Variants in CTNND2 observed in about 807,000 individuals in gnomAD.
CTNND2 encodes the protein catenin delta 2, also known as catenin delta-2.
Under a neutral mutation model 144.4 loss-of-function variants are expected in CTNND2, and 22 were observed. The ratio of observed to expected loss-of-function variants is 0.15; its 90% confidence interval spans 0.11 to 0.22. CTNND2 has a LOEUF of 0.22. CTNND2 is among the 10% of genes least tolerant of loss of function. The pLI is 1.00. For synonymous variants in CTNND2, 751 were observed against 695.6 expected (o/e 1.08, Z -1.25); for missense variants, 1,353 against 1,618.8 (o/e 0.84, Z 2.82).
chr5:11,434,778 G>A (rs1346619074), intron 3 of CTNND2, among the ~76,000 whole-genome samples: 2 of 152,104 alleles, frequency 1.3e-5, no homozygotes, highest in Admixed American at 6.6e-5. Context: ...TGTTAGAAAA[G>A]GAATGCCTCC....
chr5:11,553,823 G>T (rs986965472), intron 3 of CTNND2, among the ~76,000 whole-genome samples: 1 of 151,972 alleles, frequency 6.6e-6, no homozygotes, highest in Non-Finnish European at 1.5e-5. Context: ...TAAAACATCT[G>T]TTTATACTGC....
At chr5:11,278,637 A>C (rs1443987142) in intron 9 of CTNND2, among the ~76,000 whole-genome samples, 1 of 152,194 alleles carries the variant, frequency 6.6e-6, no homozygotes, top group Non-Finnish European at 1.5e-5. Flanking sequence ...ATGTGGCTTG[A>C]AGATGGTGGC....
intron 1 of CTNND2, among the ~76,000 whole-genome samples, chr5:11,879,341 G>GTGTATATATATATATATGTATATATA: frequency 9.1e-6 from 1 of 109,386 alleles, no homozygotes; most frequent in South Asian, 3.3e-4. Context: ...TTAAATGTGT[G>GTGTATATATATATATATGTATATATA]TATATATATA....
intron 3 of CTNND2, among the ~76,000 whole-genome samples, chr5:11,426,074 A>T (rs1332366253): frequency 6.6e-6 from 1 of 151,222 alleles, no homozygotes; most frequent in African/African-American, 2.4e-5. Context: ...CTATCCATTG[A>T]CCCCCACCCT....
At chr5:11,406,068 A>G (rs1581127421) in intron 5 of CTNND2, among the ~76,000 whole-genome samples, 1 of 152,080 alleles carries the variant, frequency 6.6e-6, no homozygotes, top group Non-Finnish European at 1.5e-5. Flanking sequence ...AATCGCTTGA[A>G]CCCAGGAGGC....
intron 3 of CTNND2, among the ~76,000 whole-genome samples, chr5:11,498,890 C>T (rs1338929584): frequency 6.6e-6 from 1 of 151,982 alleles, no homozygotes; most frequent in Non-Finnish European, 1.5e-5. Context: ...GTATAAGTGG[C>T]TCAAGCAGTC....
intron 7 of CTNND2, among the ~76,000 whole-genome samples, chr5:11,368,930 A>T (rs1757215432): frequency 6.6e-6 from 1 of 152,242 alleles, no homozygotes; most frequent in Non-Finnish European, 1.5e-5. Flanking sequence ...CCACATCAAA[A>T]TAGGTGTCCT....
At chr5:11,030,349 T>C (rs1743306610) in intron 16 of CTNND2, among the ~76,000 whole-genome samples, 1 of 152,140 alleles carries the variant, frequency 6.6e-6, no homozygotes, top group Non-Finnish European at 1.5e-5. Flanking sequence ...TCCCACTTTT[T>C]TTCTCCTGAG....
Position 11,488,290 on chromosome 5 carries a change from T to G in CTNND2, c.288-76221A>C, listed in dbSNP as rs1433179382. On this transcript the variant is annotated intron_variant, in intron 3 of 21. Coordinates refer to ENST00000304623, the MANE Select transcript of CTNND2 (RefSeq NM_001332.4). ...TATGGATCAGATGTATTATGAATGG[T>G]TTTTAAATACCCACTAAAATATATA... 4.6e-5 allele frequency among the ~76,000 whole-genome samples: 7 copies of G among 152,260 alleles called. No homozygotes were observed. The East Asian group carries it at 1.2e-3, about 25-fold the overall frequency.
intron 2 of CTNND2, among the ~76,000 whole-genome samples, chr5:11,687,185 T>C (rs1784692243): frequency 6.6e-6 from 1 of 152,208 alleles, no homozygotes; most frequent in Non-Finnish European, 1.5e-5. Flanking sequence ...CTTCATGCGA[T>C]TTCCGGAGTG....
intron 2 of CTNND2, among the ~76,000 whole-genome samples, chr5:11,590,501 A>G (rs2150142250): frequency 6.6e-6 from 1 of 152,286 alleles, no homozygotes; most frequent in East Asian, 1.9e-4. Flanking sequence ...TGGTCAAGCC[A>G]TCATGACATC....
intron 1 of CTNND2, among the ~76,000 whole-genome samples, chr5:11,826,689 A>T (rs949479461): frequency 1.4e-4 from 22 of 152,082 alleles, no homozygotes; most frequent in African/African-American, 4.8e-4. Context: ...ATTCAAAAGA[A>T]ATCCAGAGTG....
intron 18 of CTNND2, among the ~76,000 whole-genome samples, chr5:10,995,048 T>C (rs1739190585): frequency 6.6e-6 from 1 of 152,042 alleles, no homozygotes; most frequent in Admixed American, 6.6e-5. Context: ...TAGGACTGCC[T>C]CATGGGGACG....
At chr5:10,984,527 G>A (rs1385182483) in intron 20 of CTNND2, among the ~76,000 whole-genome samples, 3 of 151,860 alleles carry the variant, frequency 2.0e-5, no homozygotes, top group Non-Finnish European at 4.4e-5. Flanking sequence ...TTAAAAGCAC[G>A]AGGCACAGTT....
intron 18 of CTNND2, among the ~76,000 whole-genome samples, chr5:10,996,542 C>T (rs1450070084): frequency 2.0e-5 from 3 of 152,052 alleles, no homozygotes; most frequent in African/African-American, 2.4e-5. Flanking sequence ...TCCTCAGGGC[C>T]GACAGGAGAT....
At chr5:11,329,696 C>T (rs926314955) in intron 9 of CTNND2, among the ~76,000 whole-genome samples, 4 of 152,128 alleles carry the variant, frequency 2.6e-5, no homozygotes, top group Non-Finnish European at 5.9e-5. Flanking sequence ...AGAAGGTGGT[C>T]AGAGGGAAGC....
In CTNND2 at chr5:11,583,895, A is replaced by C. The variant is rs539062905; in HGVS notation, c.175-18839T>G. 5.9e-5 allele frequency among the ~76,000 whole-genome samples: 9 copies of C among 152,344 alleles called. No individual in the cohort carries two copies. The East Asian group carries it at 1.5e-3, about 26-fold the overall frequency. Reference sequence around the variant, plus strand: ...AAAGTCAGGGCCAGGGCAGCACCTCAGGGTTACGTCTGATTCTACAGACAC... The same window carrying C: ...AAAGTCAGGGCCAGGGCAGCACCTCCGGGTTACGTCTGATTCTACAGACAC... On this transcript the variant is annotated intron_variant, in intron 2 of 21. Coordinates refer to ENST00000304623, the MANE Select transcript of CTNND2 (RefSeq NM_001332.4).
chr5:11,333,593 C>A (rs1056629106), intron 9 of CTNND2, among the ~76,000 whole-genome samples: 1 of 152,088 alleles, frequency 6.6e-6, no homozygotes, highest in Non-Finnish European at 1.5e-5. Flanking sequence ...AATCATCATC[C>A]CACAAACTTA....
intron 16 of CTNND2, among the ~76,000 whole-genome samples, chr5:11,052,400 CT>C (rs1241299753): frequency 6.6e-6 from 1 of 152,178 alleles, no homozygotes; most frequent in Non-Finnish European, 1.5e-5. Flanking sequence ...TTAATTACCC[CT>C]GTCCTCATTA....
Sources: allele counts gnomAD v4.1 joint callset (sites outside exome capture counted in the v4.1 genomes callset), GRCh38; gene constraint gnomAD v4.1.1; transcripts MANE v1.5; gene names NCBI Gene and HGNC (gene_info 2026-07-23, HGNC 2026-07-21).